Variants in PRELID1 observed in about 807,000 individuals in gnomAD.
The protein encoded by PRELID1 is PRELI domain containing 1, also known as PRELI domain-containing protein 1, mitochondrial.
Under a neutral mutation model 29.0 loss-of-function variants are expected in PRELID1, and 15 were observed. The observed-to-expected ratio is 0.52, with a 90% confidence interval of 0.35 to 0.80. The LOEUF is 0.80. PRELID1 is among the 30% of genes least tolerant of loss of function. The pLI, the probability that PRELID1 is intolerant of heterozygous loss-of-function variation, is 0.01. For missense variants in PRELID1, 187 were observed against 275.9 expected, an observed-to-expected ratio of 0.68 and a Z score of 2.28; for synonymous variants, 79 against 106.5, an observed-to-expected ratio of 0.74 and a Z score of 1.59.
intron 1 of PRELID1, 190 bp downstream of exon 1, chr5:177,304,267 A>G (rs900645039): frequency 1.6e-6 from 1 of 618,034 alleles, no homozygotes; most frequent in Non-Finnish European, 2.9e-6. Flanking sequence ...TTTACTTGAG[A>G]CCTTAGTGTA....
chr5:177,304,698 C>G lies in PRELID1; in HGVS notation c.166C>G (p.Leu56Val). 6.2e-7 allele frequency: 1 copy of G among 1,614,092 alleles called. No individual in the cohort carries two copies. The highest frequency in any genetic ancestry group is 8.5e-7 in the Non-Finnish European group (1 of 1,179,968). ...PDQKLLSRRL[L>V]TKTNRMPRWA... ...CCAGAAACTGCTGTCCCGGCGACTCCTGACCAAGACCAACAGGATGCCACG... is the reference window on the plus strand; with the variant it reads ...CCAGAAACTGCTGTCCCGGCGACTCGTGACCAAGACCAACAGGATGCCACG... The change falls in exon 2 of 5, where the codon CTG (leucine) becomes GTG (valine). Residue 56 changes from leucine (L) to valine (V), a missense_variant. Coordinates refer to ENST00000303204, the MANE Select transcript of PRELID1 (RefSeq NM_013237.4).
rs546945382 is a variant in PRELID1, at chr5:177,303,853, G to A, written c.-133G>A. On this transcript the variant is annotated 5_prime_UTR_variant, in exon 1 of 5. Transcript: ENST00000303204. The surrounding 1 kb of genome is among the most constrained non-coding windows in gnomAD (Gnocchi z 6.1). ...GCGGCGGCGGCAGCTGCTTGGGCGCGGTGCGGTGGTGACTGAGCTACGAGC... is the reference window on the plus strand; with the variant it reads ...GCGGCGGCGGCAGCTGCTTGGGCGCAGTGCGGTGGTGACTGAGCTACGAGC... The A allele has an allele frequency of 1.2e-4, 73 of 587,014 alleles. No individual in the cohort carries two copies. The highest frequency in any genetic ancestry group is 7.7e-4 in the African/African-American group (39 of 50,646). The allele number at this position is 587,014 out of a possible 1,614,324, so 36.4% of individuals were successfully genotyped here. A position where few individuals can be genotyped will look rare whatever the true frequency, so the allele number is the denominator to read the frequency against.
intron 2 of PRELID1, 79 bp downstream of exon 2, chr5:177,304,929 G>A (rs1760818591): frequency 7.3e-7 from 1 of 1,368,596 alleles, no homozygotes; most frequent in Non-Finnish European, 1.0e-6. Context: ...GATACATGTG[G>A]CTAGAGAGCC....
At chr5:177,305,729 G>A in intron 2 of PRELID1, 142 bp from the exon 3 acceptor site, 1 of 693,126 alleles carries the variant, frequency 1.4e-6, no homozygotes, top group Non-Finnish European at 2.5e-6. Flanking sequence ...TGTTCTGTCA[G>A]TGCCACTTGG....
chr5:177,306,768 G>T lies in PRELID1; in HGVS notation c.*198G>T. 1 of 963,242 alleles carries T rather than the reference G, an allele frequency of 1.0e-6. No individual in the cohort carries two copies. The highest frequency in any genetic ancestry group is 1.5e-6 in the Non-Finnish European group (1 of 664,012). 59.7% of individuals were successfully genotyped at this position (963,242 alleles called of 1,614,324 possible). On this transcript the variant is annotated 3_prime_UTR_variant, in exon 5 of 5. Transcript: ENST00000303204. Reference sequence around the variant, plus strand: ...GCCAGGTCTGCTTATTCTCCCATTGGGCAGCTGAGGACCGAGGCACAGAGG... The same window carrying T: ...GCCAGGTCTGCTTATTCTCCCATTGTGCAGCTGAGGACCGAGGCACAGAGG...
At chr5:177,304,925 T>C (rs1325064939) in intron 2 of PRELID1, 75 bp downstream of exon 2, 2 of 1,389,398 alleles carry the variant, frequency 1.4e-6, no homozygotes, top group Non-Finnish European at 9.9e-7. Flanking sequence ...CTCAGATACA[T>C]GTGGCTAGAG....
rs1400665064 is a variant in PRELID1, at chr5:177,306,863, G to A, written c.*293G>A. 1.7e-5 allele frequency: 12 copies of A among 725,342 alleles called. No homozygotes were observed. Among genetic ancestry groups the A allele is most frequent in the Admixed American group, 5.9e-5 (2 of 33,642 alleles). The allele number at this position is 725,342 out of a possible 1,614,324, so 44.9% of individuals were successfully genotyped here. A position where few individuals can be genotyped will look rare whatever the true frequency, so the allele number is the denominator to read the frequency against. ...GCGGTAAGTGCTAGACTGTAAGCCC[G>A]ACAAGGGCAGGGCTTTTGGTTTTGT... On this transcript the variant is annotated 3_prime_UTR_variant, in exon 5 of 5. Transcript: ENST00000303204.
chr5:177,304,118 A>C, intron 1 of PRELID1, 41 bp downstream of exon 1: 2 of 1,559,728 alleles, frequency 1.3e-6, no homozygotes, highest in South Asian at 1.1e-5. Flanking sequence ...CCATCTCGCT[A>C]TCTGGAGATC....
Position 177,304,768 on chromosome 5 carries a change from A to G in PRELID1, c.236A>G (p.Tyr79Cys), listed in dbSNP as rs1760812302. The G allele has an allele frequency of 6.2e-7, 1 of 1,613,838 alleles. No homozygotes were observed. The highest frequency in any genetic ancestry group is 1.1e-5 in the South Asian group (1 of 91,086). Residue 79 changes from tyrosine to cysteine, a missense_variant, in exon 2 of 5, where the codon TAC (tyrosine) becomes TGC (cysteine). Physicochemically the swap from Tyr to Cys is radical, Grantham distance 194. Coordinates refer to ENST00000303204, the MANE Select transcript of PRELID1 (RefSeq NM_013237.4). ...LFPANVAHSV[Y>C]VLEDSIVDPQ... ...CCTGCCAATGTTGCTCACTCGGTGTACGTCCTGGAGGACTCTATTGTGGAC... is the reference window on the plus strand; with the variant it reads ...CCTGCCAATGTTGCTCACTCGGTGTGCGTCCTGGAGGACTCTATTGTGGAC...
At chr5:177,305,071 G>A (rs1252852430) in intron 2 of PRELID1, among the ~76,000 whole-genome samples, 1 of 152,192 alleles carries the variant, frequency 6.6e-6, no homozygotes, top group Non-Finnish European at 1.5e-5. Context: ...TTCATACAGT[G>A]GGGGAGGGGT....
intron 1 of PRELID1, 129 bp from the exon 2 acceptor site, chr5:177,304,496 G>A: frequency 1.2e-6 from 1 of 817,488 alleles, no homozygotes; most frequent in South Asian, 1.4e-5. Context: ...TTGAACCATA[G>A]CACATACCAC....
Position 177,306,411 on chromosome 5 carries a change from G to A in PRELID1, c.512-11G>A, listed in dbSNP as rs748681104. 1.5e-5 allele frequency: 24 copies of A among 1,613,820 alleles called. No homozygotes were observed. Among genetic ancestry groups the A allele is most frequent in the Middle Eastern group, 1.6e-4 (1 of 6,082 alleles). ...CATCTTCTAAAGGCAGCCACCTGCC[G>A]TTCGCGACAGGCGAGGCCCCTTCCA... On this transcript the variant is annotated splice_polypyrimidine_tract_variant and intron_variant, in intron 4 of 4. Coordinates refer to ENST00000303204, the MANE Select transcript of PRELID1 (RefSeq NM_013237.4).
chr5:177,306,365 A>G (rs752620672), intron 4 of PRELID1, 57 bp from the exon 5 acceptor site: 2 of 1,610,310 alleles, frequency 1.2e-6, no homozygotes, highest in East Asian at 4.5e-5. Context: ...TGGGGGAGGG[A>G]AATTAGGTTG....
Position 177,304,870 on chromosome 5 carries a change from G to C in PRELID1, c.318+20G>C. 6.4e-7 allele frequency: 1 copy of C among 1,572,828 alleles called. No homozygotes were observed. Among genetic ancestry groups the C allele is most frequent in the Non-Finnish European group, 8.7e-7 (1 of 1,150,490 alleles). On this transcript the variant is annotated intron_variant, in intron 2 of 4. Coordinates refer to ENST00000303204, the MANE Select transcript of PRELID1 (RefSeq NM_013237.4). ...CTGATGGTGAGACACCTCCTGTTGT[G>C]ATTCTGCACCTCCCCCTCTCCCCTC...
At position 177,306,871 on chromosome 5, in the gene PRELID1, C is replaced by T. The variant is rs1760892890; in HGVS notation, c.*301C>T. Reference sequence around the variant, plus strand: ...TGCTAGACTGTAAGCCCGACAAGGGCAGGGCTTTTGGTTTTGTTCTCTGAT... The same window carrying T: ...TGCTAGACTGTAAGCCCGACAAGGGTAGGGCTTTTGGTTTTGTTCTCTGAT... On this transcript the variant is annotated 3_prime_UTR_variant, in exon 5 of 5. Coordinates refer to ENST00000303204, the MANE Select transcript of PRELID1 (RefSeq NM_013237.4). The T allele has an allele frequency of 1.4e-6, 1 of 725,230 alleles. No homozygotes were observed. The highest frequency in any genetic ancestry group is 1.8e-5 in the African/African-American group (1 of 56,282). 44.9% of individuals were successfully genotyped at this position (725,230 alleles called of 1,614,324 possible). A position where few individuals can be genotyped will look rare whatever the true frequency, so the allele number is the denominator to read the frequency against.
chr5:177,306,338 A>T (rs781678379), intron 4 of PRELID1, 84 bp from the exon 5 acceptor site: 2 of 1,600,260 alleles, frequency 1.2e-6, no homozygotes, highest in South Asian at 2.2e-5. Context: ...AGCCTGGCCC[A>T]GAGGAGATTG....
In PRELID1 at chr5:177,306,846, T is replaced by C. The variant is rs1561593646; in HGVS notation, c.*276T>C. On this transcript the variant is annotated 3_prime_UTR_variant, in exon 5 of 5. Transcript: ENST00000303204. ...AGCCTGCAGGTTAACTGGCGGTAAG[T>C]GCTAGACTGTAAGCCCGACAAGGGC... 4.1e-6 allele frequency: 3 copies of C among 725,280 alleles called. No homozygotes were observed. Among genetic ancestry groups the C allele is most frequent in the East Asian group, 2.7e-5 (1 of 36,760 alleles). 44.9% of individuals were successfully genotyped at this position (725,280 alleles called of 1,614,324 possible). A position where few individuals can be genotyped will look rare whatever the true frequency, so the allele number is the denominator to read the frequency against.
Position 177,305,967 on chromosome 5 carries a change from G to A in PRELID1, c.415G>A (p.Val139Ile), listed in dbSNP as rs1760860982. 1 of 1,614,102 alleles carries A rather than the reference G, an allele frequency of 6.2e-7. No individual in the cohort carries two copies. Among genetic ancestry groups the A allele is most frequent in the Non-Finnish European group, 8.5e-7 (1 of 1,179,946 alleles). Reference protein sequence around the residue: ...EAWVSSSLFGVSRAVQEFGLA... With the variant: ...EAWVSSSLFGISRAVQEFGLA... ...CTGGGTCTCCTCTAGCTTATTTGGT[G>A]TCTCCAGAGCTGTCCAGGTGAGCAG... Residue 139 changes from valine to isoleucine, a missense_variant, in exon 3 of 5, where the codon GTC (valine) becomes ATC (isoleucine). Val to Ile is a conservative substitution (Grantham distance 29). Transcript: ENST00000303204.
chr5:177,304,286 TTC>T (rs1412558935), intron 1 of PRELID1: 1 of 606,824 alleles, frequency 1.6e-6, no homozygotes, highest in Non-Finnish European at 2.9e-6. Context: ...TAAGATTCTT[TTC>T]TCAGTGTGGT....
Sources: allele counts gnomAD v4.1 joint callset (sites outside exome capture counted in the v4.1 genomes callset), GRCh38; gene constraint gnomAD v4.1.1; non-coding constraint Gnocchi (gnomAD v3.1); transcripts MANE v1.5; gene names NCBI Gene and HGNC (gene_info 2026-07-23, HGNC 2026-07-21).